The following CEP83 variants were observed in gnomAD, a reference collection of about 807,000 sequenced individuals.
The protein encoded by CEP83 is centrosomal protein of 83 kDa.
A neutral mutation model predicts 101.9 loss-of-function variants in CEP83; 70 were observed. The ratio of observed to expected loss-of-function variants is 0.69; its 90% CI spans 0.57 to 0.84. The LOEUF (loss-of-function observed/expected upper bound fraction) is 0.84, where lower values mean the gene tolerates loss of function less well. Among genes scored for constraint, CEP83 ranks in the 40% least tolerant of loss-of-function variants. CEP83 has a pLI of 0.00. For synonymous variants in CEP83, 264 were observed against 267.9 expected (o/e 0.99, Z 0.14); for missense variants, 715 against 787.2 (o/e 0.91, Z 1.10).
downstream of CEP83, chr12:94,305,128 A>C: frequency 8.5e-7 from 1 of 1,171,136 alleles, no homozygotes; most frequent in East Asian, 2.5e-5. Flanking sequence ...CAAAAAACAG[A>C]ATTGTAACGC....
chr12:94,433,301 G>A (rs1224882207), intron 2 of CEP83, among the ~76,000 whole-genome samples: 2 of 152,110 alleles, frequency 1.3e-5, no homozygotes, highest in Non-Finnish European at 2.9e-5. Flanking sequence ...AGAAGAAAGA[G>A]AAAAAGAAAA....
At chr12:94,265,815 C>T in the CEP83 span, among the ~76,000 whole-genome samples, 1 of 151,944 alleles carries the variant, frequency 6.6e-6, no homozygotes, top group Non-Finnish European at 1.5e-5. Flanking sequence ...GGGTTTCACC[C>T]GCTTGAGAAC....
intron 7 of CEP83, among the ~76,000 whole-genome samples, chr12:94,377,104 C>A (rs558689859): frequency 1.3e-5 from 2 of 152,240 alleles, no homozygotes; most frequent in East Asian, 3.9e-4. Context: ...TATAACATCT[C>A]ATTTCGTACA....
At chr12:94,394,537 G>C (rs2062762249) in intron 6 of CEP83, among the ~76,000 whole-genome samples, 1 of 152,146 alleles carries the variant, frequency 6.6e-6, no homozygotes, top group Non-Finnish European at 1.5e-5. Flanking sequence ...AGAAAACCTA[G>C]GCAATACCAT....
chr12:94,304,985 A>AT (rs1968852322), downstream of CEP83, among the ~76,000 whole-genome samples: 1 of 152,236 alleles, frequency 6.6e-6, no homozygotes, highest in Non-Finnish European at 1.5e-5. Flanking sequence ...GCGAGCTTCT[A>AT]TTTTAAGCCA....
downstream of CEP83, chr12:94,305,213 G>A (rs1968880599): frequency 6.2e-7 from 1 of 1,610,416 alleles, no homozygotes; most frequent in Non-Finnish European, 8.5e-7. Context: ...AACGAGGGCT[G>A]GAAGAAGCTC....
At chr12:94,439,086 T>C (rs1214040160) in intron 1 of CEP83, among the ~76,000 whole-genome samples, 1 of 151,954 alleles carries the variant, frequency 6.6e-6, no homozygotes, top group African/African-American at 2.4e-5. Context: ...AAAGCACAAA[T>C]AGATTATCTA....
chr12:94,419,089 TTGTG>T (rs2064513499), intron 2 of CEP83, among the ~76,000 whole-genome samples: 1 of 152,026 alleles, frequency 6.6e-6, no homozygotes, highest in Non-Finnish European at 1.5e-5. Context: ...CATGTTCTGA[TTGTG>T]TATGTAGAAA....
At chr12:94,269,783 T>C in the CEP83 span, among the ~76,000 whole-genome samples, 6 of 152,280 alleles carry the variant, frequency 3.9e-5, no homozygotes, top group African/African-American at 1.2e-4. Flanking sequence ...ATTTCCATTA[T>C]GACTTGCAAT....
chr12:94,386,771 T>C (rs1198866007), intron 6 of CEP83, among the ~76,000 whole-genome samples: 3 of 152,300 alleles, frequency 2.0e-5, no homozygotes, highest in Middle Eastern at 3.4e-3. Context: ...ATCCTGACCA[T>C]ATACTAGTTG....
At chr12:94,295,637 C>G in the CEP83 span, among the ~76,000 whole-genome samples, 44 of 152,178 alleles carry the variant, frequency 2.9e-4, no homozygotes, top group African/African-American at 1.0e-3. Context: ...ATCAGCCCCT[C>G]TGTCAAAATC....
At chr12:94,437,162 G>C (rs2066053979) in intron 1 of CEP83, among the ~76,000 whole-genome samples, 1 of 151,538 alleles carries the variant, frequency 6.6e-6, no homozygotes, top group South Asian at 2.1e-4. Flanking sequence ...TGGCCAAAAT[G>C]GTGAAACCCC....
At position 94,379,010 on chromosome 12, in the gene CEP83, T is replaced by C. The variant is rs762860899; in HGVS notation, c.582A>G (p.Leu194=). 2.6e-5 allele frequency: 42 copies of C among 1,611,342 alleles called. No homozygotes were observed. Among genetic ancestry groups the C allele is most frequent in the Non-Finnish European group, 3.3e-5 (39 of 1,178,062 alleles). ...IARLEEDKEE[L]RNQLLNVDLT... ...GATCAACATTAAGCAGCTGGTTACG[T>C]AGTTCTTCTTTATCTTCCTCCAGTC... Residue 194 remains leucine, a synonymous_variant, in exon 7 of 17, where the codon CTA becomes CTG. Coordinates refer to ENST00000397809, the MANE Select transcript of CEP83 (RefSeq NM_016122.3).
chr12:94,424,725 T>C, intron 2 of CEP83: 2 of 1,609,434 alleles, frequency 1.2e-6, no homozygotes, highest in South Asian at 1.1e-5. Context: ...GTGGAAACAA[T>C]CTTGCCATAT....
chr12:94,379,440 T>C (rs960476395), intron 6 of CEP83, among the ~76,000 whole-genome samples: 1 of 152,212 alleles, frequency 6.6e-6, no homozygotes, highest in African/African-American at 2.4e-5. Flanking sequence ...AGCTAGTCTA[T>C]ACTAATAAAA....
intron 2 of CEP83, among the ~76,000 whole-genome samples, chr12:94,427,723 G>A (rs950303790): frequency 1.3e-5 from 2 of 152,198 alleles, no homozygotes; most frequent in Non-Finnish European, 2.9e-5. Flanking sequence ...TGCCCTCAAA[G>A]TGAATGATGT....
rs373868715 is a variant in CEP83 at position 94,308,802 on chromosome 12, C to T, written c.*11G>A. 6.0e-5 allele frequency: 95 copies of T among 1,571,664 alleles called. No homozygotes were observed. Among genetic ancestry groups the T allele is most frequent in the Non-Finnish European group, 6.8e-5 (78 of 1,141,968 alleles). ...CTTCACCTCTTTTGATCTGCCTGTT[C>T]TCCAAGAACATCATTCTCCGGAAGA... On this transcript the variant is annotated 3_prime_UTR_variant, in exon 17 of 17. Coordinates refer to ENST00000397809, the MANE Select transcript of CEP83 (RefSeq NM_016122.3).
At chr12:94,425,677 G>A (rs1043421754) in intron 2 of CEP83, among the ~76,000 whole-genome samples, 6 of 152,080 alleles carry the variant, frequency 3.9e-5, no homozygotes, top group African/African-American at 7.2e-5. Flanking sequence ...TTTAATTTAC[G>A]TTTTCCTGAA....
intron 14 of CEP83, chr12:94,313,284 C>A: frequency 4.3e-6 from 1 of 234,544 alleles, no homozygotes. Flanking sequence ...AAAAAATCTA[C>A]AAAGGGAAGG....
Sources: gnomAD v4.1 joint callset for allele counts (sites outside exome capture counted in the v4.1 genomes callset) on GRCh38, gnomAD v4.1.1 for gene constraint, MANE v1.5 for transcripts, NCBI Gene and HGNC (gene_info 2026-07-23, HGNC 2026-07-21) for gene names.